CNTNAP2: variants seen among roughly 807,000 people sequenced by gnomAD.
The protein encoded by CNTNAP2 is contactin associated protein 2, also known as contactin-associated protein-like 2.
CNTNAP2 carries 98 observed loss-of-function variants against 155.2 expected under a neutral mutation model. That is an observed-to-expected ratio of 0.63 (90% CI 0.54 to 0.75). The LOEUF is 0.75. CNTNAP2 is among the 30% of genes least tolerant of loss of function. The pLI, the probability that CNTNAP2 is intolerant of heterozygous loss-of-function variation, is 0.00. For synonymous variants in CNTNAP2, 651 were observed against 631.2 expected (o/e 1.03, Z -0.47); for missense variants, 1,727 against 1,688.1 (o/e 1.02, Z -0.40).
At chr7:148,409,147 T>C (rs1314844056) in intron 22 of CNTNAP2, among the ~76,000 whole-genome samples, 1 of 152,182 alleles carries the variant, frequency 6.6e-6, no homozygotes, top group Admixed American at 6.5e-5. Flanking sequence ...TCTAGGATTC[T>C]CTAATATTGC....
intron 1 of CNTNAP2, among the ~76,000 whole-genome samples, chr7:146,673,297 C>T (rs971044429): frequency 6.6e-6 from 1 of 152,052 alleles, no homozygotes; most frequent in South Asian, 2.1e-4. Context: ...TTTCTCATTA[C>T]CATGTTCATT....
chr7:147,208,607 T>C (rs1049715021), intron 8 of CNTNAP2, among the ~76,000 whole-genome samples: 4 of 152,028 alleles, frequency 2.6e-5, no homozygotes. Flanking sequence ...AATGAAGCCA[T>C]ATAAATTCTG....
rs894314488 is a variant in CNTNAP2, at chr7:146,440,757, C to T, written c.97+323784C>T. Reference sequence around the variant, plus strand: ...CTTTTATACCACAACCCGGAAGTACCCATGCCTCACTTGTGGTAACATAAA... The same window carrying T: ...CTTTTATACCACAACCCGGAAGTACTCATGCCTCACTTGTGGTAACATAAA... On this transcript the variant is annotated intron_variant, in intron 1 of 23. Coordinates refer to ENST00000361727, the MANE Select transcript of CNTNAP2 (RefSeq NM_014141.6). Among the ~76,000 whole-genome samples the T allele has an allele frequency of 2.6e-5, 4 of 151,582 alleles. No homozygotes were observed. In the East Asian group the frequency reaches 7.7e-4, roughly 29 times the overall value.
At chr7:147,156,410 A>G (rs574810947) in intron 8 of CNTNAP2, among the ~76,000 whole-genome samples, 17 of 152,342 alleles carry the variant, frequency 1.1e-4, no homozygotes, top group African/African-American at 3.8e-4. Context: ...TGACATTTAA[A>G]TAAACCTCAC....
intron 1 of CNTNAP2, among the ~76,000 whole-genome samples, chr7:146,666,751 G>A (rs540459066): frequency 6.6e-6 from 1 of 151,252 alleles, no homozygotes; most frequent in South Asian, 2.1e-4. Flanking sequence ...GAGGACTAGT[G>A]GTGTTGAGCA....
intron 8 of CNTNAP2, among the ~76,000 whole-genome samples, chr7:147,273,699 A>G (rs1290344874): frequency 1.3e-5 from 2 of 148,694 alleles, no homozygotes; most frequent in East Asian, 3.9e-4. Flanking sequence ...ATCCTTTTTT[A>G]TGGCTACATA....
At position 148,174,417 on chromosome 7, in the gene CNTNAP2, A is replaced by ACC. The variant is rs67808974; in HGVS notation, c.3010+1940_3010+1941dup. Among the ~76,000 whole-genome samples, 1,065 of 150,684 alleles carry ACC rather than the reference A, an allele frequency of 7.1e-3. 5 individuals are homozygous for ACC. The highest frequency in any genetic ancestry group is 0.017 in the East Asian group (86 of 5,086). ...TGGTGCCTGCACAGCAGTTCCTGTG[A>ACC]CCGCCCCCCACCTCAGGCTGGTGCT... On this transcript the variant is annotated intron_variant, in intron 18 of 23. Transcript: ENST00000361727.
chr7:147,073,871 T>C (rs1048220093), intron 4 of CNTNAP2, among the ~76,000 whole-genome samples: 5 of 151,906 alleles, frequency 3.3e-5, no homozygotes, highest in African/African-American at 1.2e-4. Flanking sequence ...GTGAATGGAG[T>C]ATGGGGATGA....
intron 20 of CNTNAP2, among the ~76,000 whole-genome samples, chr7:148,230,565 G>A (rs115825867): frequency 0.01 from 1,543 of 152,252 alleles, 28 homozygotes; most frequent in African/African-American, 0.035. Flanking sequence ...ATTTGGCAGG[G>A]GTTCAGCAGC....
chr7:147,434,164 T>G (rs961008122), intron 10 of CNTNAP2, among the ~76,000 whole-genome samples: 1 of 152,212 alleles, frequency 6.6e-6, no homozygotes, highest in Non-Finnish European at 1.5e-5. Context: ...TTCAAGGTTA[T>G]GCACTCTATT....
intron 13 of CNTNAP2, among the ~76,000 whole-genome samples, chr7:147,880,221 T>C (rs767862734): frequency 6.6e-6 from 1 of 152,160 alleles, no homozygotes; most frequent in Non-Finnish European, 1.5e-5. Flanking sequence ...CTGAGTCCCA[T>C]ACACAGAGAA....
chr7:146,536,481 G>A (rs141883086), intron 1 of CNTNAP2, among the ~76,000 whole-genome samples: 1 of 152,044 alleles, frequency 6.6e-6, no homozygotes, highest in East Asian at 1.9e-4. Context: ...GATGCATTGG[G>A]GGAGGGTGAG....
At chr7:147,951,992 T>C (rs996888617) in intron 14 of CNTNAP2, among the ~76,000 whole-genome samples, 2 of 151,830 alleles carry the variant, frequency 1.3e-5, no homozygotes, top group Non-Finnish European at 2.9e-5. Context: ...GAACTCATAG[T>C]GGCATGGCCC....
rs1800748323 is a variant in CNTNAP2 at position 147,942,792 on chromosome 7, C to G, written c.2256-35070C>G. Among the ~76,000 whole-genome samples the G allele has an allele frequency of 3.9e-5, 6 of 152,182 alleles. No homozygotes were observed. In the South Asian group the frequency reaches 1.2e-3, roughly 32 times the overall value. ...GTGGCTCACGCCCGTAATCCCAGCACTTTGGGAGGCCGAGGTGGGCGGATC... is the reference window on the plus strand; with the variant it reads ...GTGGCTCACGCCCGTAATCCCAGCAGTTTGGGAGGCCGAGGTGGGCGGATC... On this transcript the variant is annotated intron_variant, in intron 14 of 23. Coordinates refer to ENST00000361727, the MANE Select transcript of CNTNAP2 (RefSeq NM_014141.6).
At chr7:147,888,097 A>G (rs1023252420) in intron 13 of CNTNAP2, among the ~76,000 whole-genome samples, 3 of 152,234 alleles carry the variant, frequency 2.0e-5, no homozygotes, top group Admixed American at 2.0e-4. Context: ...AAAAGAAAAA[A>G]TAATCACCAA....
At chr7:146,540,563 A>G (rs1373131810) in intron 1 of CNTNAP2, among the ~76,000 whole-genome samples, 2 of 152,062 alleles carry the variant, frequency 1.3e-5, no homozygotes, top group African/African-American at 4.8e-5. Flanking sequence ...CTTGGCTTCC[A>G]TACATATCAT....
chr7:148,075,436 C>CAA lies in CNTNAP2; in HGVS notation c.2384-42669_2384-42668dup, dbSNP rs200297733. Among the ~76,000 whole-genome samples, 21 of 140,718 alleles carry CAA rather than the reference C, an allele frequency of 1.5e-4. 1 individual carries two copies. The South Asian group carries it at 2.0e-3, about 14-fold the overall frequency. The allele number at this position is 140,718 out of a possible 152,430, so 92.3% of individuals were successfully genotyped here. ...TGGGTGACACAGCAAAACTTAATCTCAAAAAAAAAAAAAATTAATAATGCT... is the reference window on the plus strand; with the variant it reads ...TGGGTGACACAGCAAAACTTAATCTCAAAAAAAAAAAAAAAATTAATAATGCT... On this transcript the variant is annotated intron_variant, in intron 15 of 23. Coordinates refer to ENST00000361727, the MANE Select transcript of CNTNAP2 (RefSeq NM_014141.6).
intron 10 of CNTNAP2, among the ~76,000 whole-genome samples, chr7:147,441,850 T>TCTCC (rs1563205211): frequency 2.8e-5 from 2 of 72,578 alleles, no homozygotes; most frequent in African/African-American, 4.8e-5. Flanking sequence ...TCTCTCTCTC[T>TCTCC]CCCTCCCTCC....
chr7:146,504,335 T>C (rs949613763), intron 1 of CNTNAP2, among the ~76,000 whole-genome samples: 2 of 152,190 alleles, frequency 1.3e-5, no homozygotes, highest in Non-Finnish European at 2.9e-5. Flanking sequence ...ACCATGTCTA[T>C]GGGGGGTCAT....
Sources: gnomAD v4.1 joint callset for allele counts (sites outside exome capture counted in the v4.1 genomes callset) on GRCh38, gnomAD v4.1.1 for gene constraint, MANE v1.5 for transcripts, NCBI Gene and HGNC (gene_info 2026-07-23, HGNC 2026-07-21) for gene names.